AGBL4: variants seen among roughly 807,000 people sequenced by gnomAD.
The protein encoded by AGBL4 is AGBL carboxypeptidase 4.
AGBL4 carries 58 observed loss-of-function variants against 66.4 expected under a neutral mutation model. The ratio of observed to expected loss-of-function variants is 0.87; its 90% CI spans 0.71 to 1.09. AGBL4 has a LOEUF of 1.09. Ranked by LOEUF, AGBL4 falls within the 50% of genes least tolerant of loss-of-function variation. The pLI is 0.00. For synonymous variants in AGBL4, 234 were observed against 222.9 expected (o/e 1.05, Z -0.44); for missense variants, 579 against 631.0 (o/e 0.92, Z 0.88).
At chr1:49,456,769 T>C (rs1012897150) in intron 3 of AGBL4, among the ~76,000 whole-genome samples, 5 of 151,686 alleles carry the variant, frequency 3.3e-5, no homozygotes, top group Non-Finnish European at 7.4e-5. Flanking sequence ...GTATCATTTT[T>C]ATGCCTTTGC....
At chr1:49,185,661 G>A (rs1295163656) in intron 4 of AGBL4, among the ~76,000 whole-genome samples, 1 of 152,074 alleles carries the variant, frequency 6.6e-6, no homozygotes, top group Non-Finnish European at 1.5e-5. Flanking sequence ...TTAAAAACAC[G>A]AAGGAAGTTC....
intron 3 of AGBL4, among the ~76,000 whole-genome samples, chr1:49,680,576 T>A (rs947568991): frequency 6.6e-6 from 1 of 152,148 alleles, no homozygotes; most frequent in African/African-American, 2.4e-5. Flanking sequence ...GATCTCTTAT[T>A]ATAAAGCCTC....
intron 5 of AGBL4, among the ~76,000 whole-genome samples, chr1:48,915,248 C>T (rs1048616801): frequency 6.6e-6 from 1 of 152,190 alleles, no homozygotes; most frequent in African/African-American, 2.4e-5. Flanking sequence ...TTGGAACATG[C>T]TATGGCTTTT....
intron 3 of AGBL4, among the ~76,000 whole-genome samples, chr1:49,517,485 A>C (rs1309772247): frequency 6.6e-6 from 1 of 151,978 alleles, no homozygotes; most frequent in Non-Finnish European, 1.5e-5. Flanking sequence ...GTTCAGTGAC[A>C]GAAGAATGAG....
At chr1:48,783,822 C>T (rs1458901755) in intron 6 of AGBL4, among the ~76,000 whole-genome samples, 5 of 152,220 alleles carry the variant, frequency 3.3e-5, no homozygotes, top group African/African-American at 1.2e-4. Flanking sequence ...CGAAGTTGAG[C>T]ACCTCTGAGT....
chr1:49,001,305 G>A (rs527971463), intron 5 of AGBL4, among the ~76,000 whole-genome samples: 1 of 152,226 alleles, frequency 6.6e-6, no homozygotes, highest in South Asian at 2.1e-4. Flanking sequence ...ATCTTCAATT[G>A]ACAAGCAGTT....
At chr1:49,553,611 T>C (rs1178579427) in intron 3 of AGBL4, among the ~76,000 whole-genome samples, 1 of 152,158 alleles carries the variant, frequency 6.6e-6, no homozygotes, top group Non-Finnish European at 1.5e-5. Flanking sequence ...GCTAATGTAT[T>C]ATCAGCGAAA....
chr1:49,171,993 T>C (rs1328870163), intron 4 of AGBL4, among the ~76,000 whole-genome samples: 2 of 152,198 alleles, frequency 1.3e-5, no homozygotes, highest in Non-Finnish European at 2.9e-5. Context: ...ACATAAATAG[T>C]AAATAGTGGA....
intron 1 of AGBL4, among the ~76,000 whole-genome samples, chr1:49,928,919 T>G (rs1653059491): frequency 6.6e-6 from 1 of 152,072 alleles, no homozygotes; most frequent in South Asian, 2.1e-4. Context: ...TCAAACCAGC[T>G]GACCATCAAT....
intron 6 of AGBL4, among the ~76,000 whole-genome samples, chr1:48,788,559 T>G (rs549829270): frequency 6.6e-6 from 1 of 152,366 alleles, no homozygotes; most frequent in Admixed American, 6.5e-5. Context: ...ATTTAAAACA[T>G]GGCTTCAGAA....
chr1:49,512,173 A>G (rs1326669631), intron 3 of AGBL4, among the ~76,000 whole-genome samples: 1 of 151,972 alleles, frequency 6.6e-6, no homozygotes, highest in African/African-American at 2.4e-5. Flanking sequence ...AGAAGATAAA[A>G]AGCTCTATAT....
At chr1:49,781,565 G>T (rs1009552982) in intron 2 of AGBL4, among the ~76,000 whole-genome samples, 1 of 152,068 alleles carries the variant, frequency 6.6e-6, no homozygotes, top group Non-Finnish European at 1.5e-5. Context: ...ACTGCAATAC[G>T]CCATTTTCAA....
intron 3 of AGBL4, among the ~76,000 whole-genome samples, chr1:49,302,445 G>T (rs1324951468): frequency 6.6e-6 from 1 of 151,534 alleles, no homozygotes; most frequent in Non-Finnish European, 1.5e-5. Context: ...AGTAGAAACG[G>T]GGTTTCACCA....
chr1:49,144,027 A>C (rs1272171963), intron 4 of AGBL4, among the ~76,000 whole-genome samples: 2 of 152,254 alleles, frequency 1.3e-5, no homozygotes, highest in African/African-American at 4.8e-5. Context: ...AGATTGTCTC[A>C]TAAGTTCTCT....
chr1:48,808,591 A>G (rs1645981637), intron 6 of AGBL4, among the ~76,000 whole-genome samples: 1 of 152,144 alleles, frequency 6.6e-6, no homozygotes, highest in Admixed American at 6.5e-5. Context: ...TTTTGCCCAG[A>G]GAGGCTGAGA....
At chr1:49,499,070 T>C (rs547731483) in intron 3 of AGBL4, among the ~76,000 whole-genome samples, 10 of 152,064 alleles carry the variant, frequency 6.6e-5, no homozygotes, top group Non-Finnish European at 1.2e-4. Context: ...GTCCTGGCCT[T>C]GTAAAATGAG....
At chr1:48,803,177 C>T (rs1279065800) in intron 6 of AGBL4, among the ~76,000 whole-genome samples, 1 of 152,078 alleles carries the variant, frequency 6.6e-6, no homozygotes, top group Non-Finnish European at 1.5e-5. Context: ...TAGAGGACAC[C>T]CTCCCTCTTC....
intron 5 of AGBL4, among the ~76,000 whole-genome samples, chr1:48,975,358 A>T (rs1031108617): frequency 5.9e-5 from 9 of 152,114 alleles, no homozygotes; most frequent in African/African-American, 1.7e-4. Context: ...CCAGACTACA[A>T]TGAATGTTGC....
chr1:50,000,831 T>C (rs1020087681), intron 1 of AGBL4, among the ~76,000 whole-genome samples: 1 of 152,090 alleles, frequency 6.6e-6, no homozygotes, highest in Non-Finnish European at 1.5e-5. Flanking sequence ...CATCGTGTGT[T>C]CTCATTCATA....
Sources: allele counts gnomAD v4.1 joint callset (sites outside exome capture counted in the v4.1 genomes callset), GRCh38; gene constraint gnomAD v4.1.1; transcripts MANE v1.5; gene names NCBI Gene and HGNC (gene_info 2026-07-23, HGNC 2026-07-21).